Variants in MAP4K4 observed in about 807,000 individuals in gnomAD.
The protein encoded by MAP4K4 is mitogen-activated protein kinase kinase kinase kinase 4, also known as HPK/GCK-like kinase HGK.
Under a neutral mutation model 189.6 loss-of-function variants are expected in MAP4K4, and 38 were observed. The observed-to-expected ratio is 0.20, with a 90% confidence interval of 0.15 to 0.26. MAP4K4 has a LOEUF of 0.26. Ranked by LOEUF, MAP4K4 falls within the 10% of genes least tolerant of loss-of-function variation. MAP4K4 has a pLI of 1.00. For missense variants in MAP4K4, 1,054 were observed against 1,726.9 expected (o/e 0.61, Z 6.91); for synonymous variants, 610 against 624.3 (o/e 0.98, Z 0.34).
At chr2:101,797,353 A>T in intron 3 of MAP4K4, 1 of 1,290,812 alleles carries the variant, frequency 7.7e-7, no homozygotes, top group Non-Finnish European at 1.0e-6. Flanking sequence ...ACTCTGGCAG[A>T]CTTACCACAG....
chr2:101,797,383 G>A (rs2093820906), intron 3 of MAP4K4: 1 of 1,290,548 alleles, frequency 7.7e-7, no homozygotes, highest in Admixed American at 2.3e-5. Flanking sequence ...ACGTTGTCAG[G>A]GTGAGCCAGA....
chr2:101,795,557 G>A (rs2093599393), intron 3 of MAP4K4, among the ~76,000 whole-genome samples: 1 of 152,134 alleles, frequency 6.6e-6, no homozygotes, highest in Non-Finnish European at 1.5e-5. Flanking sequence ...TAGTTTTTGA[G>A]TACTTCCTTG....
intron 1 of MAP4K4, 101 bp from the exon 2 acceptor site, chr2:101,698,352 GGACCGCGCGGGGCGAAGCCC>G: frequency 1.0e-6 from 1 of 993,176 alleles, no homozygotes; most frequent in Non-Finnish European, 1.6e-6. Context: ...GGGCGCTGGG[GGACCGCGCGGGGCGAAGCCC>G]ACCTCTTTTG....
At chr2:101,806,210 T>A (rs1298211507) in intron 3 of MAP4K4, among the ~76,000 whole-genome samples, 1 of 152,126 alleles carries the variant, frequency 6.6e-6, no homozygotes, top group Admixed American at 6.5e-5. Context: ...AAAGCAACAA[T>A]AACAGCAGTA....
chr2:101,820,539 C>T (rs1217456472), intron 3 of MAP4K4, among the ~76,000 whole-genome samples: 1 of 152,206 alleles, frequency 6.6e-6, no homozygotes, highest in Non-Finnish European at 1.5e-5. Flanking sequence ...TCTGGTCACC[C>T]AGCTGCAGTT....
At chr2:101,758,150 A>G (rs1392536224) in intron 2 of MAP4K4, among the ~76,000 whole-genome samples, 1 of 152,234 alleles carries the variant, frequency 6.6e-6, no homozygotes, top group Non-Finnish European at 1.5e-5. Flanking sequence ...AACTGAAACC[A>G]TGGAAAATGA....
intron 2 of MAP4K4, among the ~76,000 whole-genome samples, chr2:101,700,096 G>A (rs903758348): frequency 2.6e-5 from 4 of 152,168 alleles, no homozygotes; most frequent in Non-Finnish European, 5.9e-5. Flanking sequence ...TTTTGACCTG[G>A]CTACACAGTA....
intron 3 of MAP4K4, among the ~76,000 whole-genome samples, chr2:101,796,587 A>T (rs894567367): frequency 2.0e-5 from 3 of 152,196 alleles, no homozygotes; most frequent in African/African-American, 7.2e-5. Context: ...TCGTTGAGTG[A>T]GCTGGTTGGA....
chr2:101,821,157 T>TA (rs1225464577), intron 3 of MAP4K4, among the ~76,000 whole-genome samples: 1 of 152,190 alleles, frequency 6.6e-6, no homozygotes, highest in Middle Eastern at 3.2e-3. Flanking sequence ...AAATTATACC[T>TA]ATTTGGTAGG....
intron 3 of MAP4K4, among the ~76,000 whole-genome samples, chr2:101,806,242 G>C (rs1325095672): frequency 6.6e-6 from 1 of 152,168 alleles, no homozygotes; most frequent in Non-Finnish European, 1.5e-5. Context: ...GAGGGAATCT[G>C]TAGTTAGGTG....
intron 2 of MAP4K4, 40 bp downstream of exon 2, chr2:101,698,578 A>C: frequency 6.3e-7 from 1 of 1,589,686 alleles, no homozygotes; most frequent in Non-Finnish European, 8.6e-7. Flanking sequence ...TGGCATGTGG[A>C]AACTTCTTAT....
At chr2:101,833,191 G>A (rs1243416941) in intron 7 of MAP4K4, among the ~76,000 whole-genome samples, 1 of 152,190 alleles carries the variant, frequency 6.6e-6, no homozygotes, top group Non-Finnish European at 1.5e-5. Context: ...TGTAATGTAA[G>A]TGTAGATTAT....
At chr2:101,779,064 T>G (rs2085866962) in intron 2 of MAP4K4, among the ~76,000 whole-genome samples, 1 of 152,212 alleles carries the variant, frequency 6.6e-6, no homozygotes, top group African/African-American at 2.4e-5. Context: ...TTAAAGTATT[T>G]GTACACTTCT....
At chr2:101,833,579 C>T (rs2096652394) in intron 7 of MAP4K4, among the ~76,000 whole-genome samples, 1 of 148,026 alleles carries the variant, frequency 6.8e-6, no homozygotes, top group Admixed American at 6.7e-5. Context: ...GAGATCGCGC[C>T]ACTGCATTCC....
intron 26 of MAP4K4, among the ~76,000 whole-genome samples, chr2:101,875,589 A>G (rs1443857995): frequency 1.3e-5 from 2 of 152,176 alleles, no homozygotes; most frequent in Non-Finnish European, 2.9e-5. Context: ...GCATACATGT[A>G]TGTGCCATGA....
At chr2:101,732,710 T>C (rs2058997340) in intron 2 of MAP4K4, among the ~76,000 whole-genome samples, 1 of 152,212 alleles carries the variant, frequency 6.6e-6, no homozygotes, top group Non-Finnish European at 1.5e-5. Context: ...TGCCTCAGCC[T>C]CCTGAGTAGC....
rs562794389 is a variant in MAP4K4, at chr2:101,835,227, G to A, written c.695-673G>A. 1.1e-4 allele frequency among the ~76,000 whole-genome samples: 16 copies of A among 152,250 alleles called. No homozygotes were observed. In the South Asian group the frequency reaches 3.1e-3, roughly 30 times the overall value. Reference sequence around the variant, plus strand: ...AAGTACCACCTCATCCTTTCTCTCAGTTTTTGTTCACAAGGGGAATAGTAT... The same window carrying A: ...AAGTACCACCTCATCCTTTCTCTCAATTTTTGTTCACAAGGGGAATAGTAT... On this transcript the variant is annotated intron_variant, in intron 8 of 32. Coordinates refer to ENST00000324219, the Ensembl canonical transcript of MAP4K4.
chr2:101,703,231 G>A (rs1303515308), intron 2 of MAP4K4, among the ~76,000 whole-genome samples: 2 of 151,714 alleles, frequency 1.3e-5, no homozygotes, highest in African/African-American at 4.8e-5. Context: ...GAGGAGGAGA[G>A]GTTGGGGTGG....
At chr2:101,779,301 A>C (rs961543190) in intron 2 of MAP4K4, among the ~76,000 whole-genome samples, 9 of 152,102 alleles carry the variant, frequency 5.9e-5, no homozygotes, top group African/African-American at 2.2e-4. Flanking sequence ...TAATGTGATT[A>C]TTGCATGGCC....
Sources: allele counts gnomAD v4.1 joint callset (sites outside exome capture counted in the v4.1 genomes callset), GRCh38; gene constraint gnomAD v4.1.1; transcripts MANE v1.5; gene names NCBI Gene and HGNC (gene_info 2026-07-23, HGNC 2026-07-21).